GRM8: variants seen among roughly 807,000 people sequenced by gnomAD.
The protein encoded by GRM8 is metabotropic glutamate receptor 8.
A neutral mutation model predicts 87.2 loss-of-function variants in GRM8; 47 were observed. The observed-to-expected ratio is 0.54, with a 90% CI of 0.43 to 0.69. The LOEUF (loss-of-function observed/expected upper bound fraction) is 0.69, where lower values mean the gene tolerates loss of function less well. GRM8 is among the 30% of genes least tolerant of loss of function. The pLI is 0.00. For synonymous variants in GRM8, 396 were observed against 404.5 expected, an observed-to-expected ratio of 0.98 and a Z score of 0.25; for missense variants, 1,019 against 1,139.2, an observed-to-expected ratio of 0.89 and a Z score of 1.52.
chr7:127,100,062 C>A lies in GRM8; in HGVS notation c.727+6434G>T, dbSNP rs753286486. ...AGGGATTGTCAGCAAACACCAGAAG[C>A]TAATAGAGGCAAGGAGGGATTCTCT... is the stretch of plus-strand genomic sequence containing the variant. On this transcript the variant is annotated intron_variant, in intron 3 of 10. Transcript: ENST00000339582. Among the ~76,000 whole-genome samples, 87 of 152,116 alleles carry A rather than the reference C, an allele frequency of 5.7e-4. 3 individuals are homozygous for A. The highest frequency in any genetic ancestry group is 4.9e-4 in the Non-Finnish European group (33 of 68,012).
chr7:126,656,959 C>T (rs181134720), intron 7 of GRM8, among the ~76,000 whole-genome samples: 60 of 152,262 alleles, frequency 3.9e-4, no homozygotes, highest in African/African-American at 1.3e-3. Context: ...AGCAAGGAAC[C>T]CAAATGAAAA....
chr7:126,841,046 T>C (rs879704088), intron 6 of GRM8, among the ~76,000 whole-genome samples: 5 of 152,238 alleles, frequency 3.3e-5, no homozygotes, highest in Admixed American at 1.3e-4. Flanking sequence ...AGCTTTAAAA[T>C]TGACATAGAA....
chr7:127,248,185 T>C (rs1798677421), intron 1 of GRM8, among the ~76,000 whole-genome samples: 1 of 152,194 alleles, frequency 6.6e-6, no homozygotes, highest in Admixed American at 6.5e-5. Context: ...ATGTATCAGA[T>C]AAGAAGAGAG....
At chr7:127,000,940 G>C (rs1379388637) in intron 3 of GRM8, among the ~76,000 whole-genome samples, 1 of 151,534 alleles carries the variant, frequency 6.6e-6, no homozygotes, top group African/African-American at 2.4e-5. Context: ...AATTGATTGT[G>C]AAATACATAT....
intron 3 of GRM8, among the ~76,000 whole-genome samples, chr7:126,934,234 TA>T (rs1806055208): frequency 6.6e-6 from 1 of 152,168 alleles, no homozygotes; most frequent in Admixed American, 6.5e-5. Context: ...AAAAATGGTT[TA>T]TTCCTCTAAC....
chr7:126,908,388 G>A (rs560069453), intron 3 of GRM8, among the ~76,000 whole-genome samples: 60 of 152,268 alleles, frequency 3.9e-4, no homozygotes, highest in African/African-American at 1.4e-3. Flanking sequence ...ACCAACCTCC[G>A]TGAGTGGAAA....
At chr7:126,996,481 T>C (rs1378898215) in intron 3 of GRM8, among the ~76,000 whole-genome samples, 2 of 151,812 alleles carry the variant, frequency 1.3e-5, no homozygotes, top group Non-Finnish European at 2.9e-5. Context: ...TGAACTAAAC[T>C]CTGTAATCAA....
At chr7:126,764,201 C>T (rs1477968099) in intron 7 of GRM8, among the ~76,000 whole-genome samples, 1 of 151,768 alleles carries the variant, frequency 6.6e-6, no homozygotes, top group Non-Finnish European at 1.5e-5. Flanking sequence ...CTGGTTAAAA[C>T]TGATAGAATA....
chr7:126,913,215 A>T (rs1461849095), intron 3 of GRM8, among the ~76,000 whole-genome samples: 1 of 152,214 alleles, frequency 6.6e-6, no homozygotes, highest in Non-Finnish European at 1.5e-5. Flanking sequence ...GTGCATTTTT[A>T]AAAAACAACA....
At chr7:126,985,695 G>A (rs941675619) in intron 3 of GRM8, among the ~76,000 whole-genome samples, 6 of 152,162 alleles carry the variant, frequency 3.9e-5, no homozygotes, top group Middle Eastern at 3.2e-3. Context: ...AACTGAGCAT[G>A]CTTACTCAGG....
chr7:126,549,058 T>C (rs544371841), intron 8 of GRM8, among the ~76,000 whole-genome samples: 1 of 152,208 alleles, frequency 6.6e-6, no homozygotes, highest in East Asian at 1.9e-4. Context: ...AGAGTTTGTA[T>C]AAAATCAAAT....
chr7:126,658,950 C>T (rs550319273), intron 7 of GRM8, among the ~76,000 whole-genome samples: 5 of 151,840 alleles, frequency 3.3e-5, no homozygotes, highest in Non-Finnish European at 5.9e-5. Flanking sequence ...GACAAGCGGC[C>T]GCTACAGTCA....
intron 6 of GRM8, among the ~76,000 whole-genome samples, chr7:126,821,843 G>T (rs1463914273): frequency 2.0e-5 from 3 of 151,968 alleles, no homozygotes; most frequent in Non-Finnish European, 1.5e-5. Context: ...TTTTCATAAT[G>T]TAATTTTCTA....
At chr7:126,596,316 A>G (rs889678971) in intron 8 of GRM8, among the ~76,000 whole-genome samples, 3 of 152,022 alleles carry the variant, frequency 2.0e-5, no homozygotes, top group Admixed American at 6.6e-5. Context: ...CCTCACCAGC[A>G]CCTGCTTTTT....
intron 3 of GRM8, among the ~76,000 whole-genome samples, chr7:127,042,271 T>C (rs1818496041): frequency 1.3e-5 from 2 of 152,118 alleles, no homozygotes; most frequent in Admixed American, 6.5e-5. Flanking sequence ...AGTAACAGGA[T>C]TGCAACAGGT....
chr7:126,735,254 C>T (rs1241750976), intron 7 of GRM8, among the ~76,000 whole-genome samples: 1 of 151,870 alleles, frequency 6.6e-6, no homozygotes, highest in Admixed American at 6.6e-5. Context: ...CAAAAGGAAA[C>T]AGAGGAATAT....
intron 3 of GRM8, among the ~76,000 whole-genome samples, chr7:126,905,724 G>A (rs2131245946): frequency 6.6e-6 from 1 of 152,216 alleles, no homozygotes; most frequent in South Asian, 2.1e-4. Flanking sequence ...TGGGAAATAG[G>A]CATTTGAATA....
chr7:127,029,928 T>TC (rs1817193363), intron 3 of GRM8, among the ~76,000 whole-genome samples: 1 of 152,072 alleles, frequency 6.6e-6, no homozygotes, highest in Admixed American at 6.6e-5. Flanking sequence ...TCCCCCAACC[T>TC]CACCATACAA....
intron 2 of GRM8, among the ~76,000 whole-genome samples, chr7:127,140,551 A>G (rs955465386): frequency 6.6e-6 from 1 of 152,108 alleles, no homozygotes; most frequent in Non-Finnish European, 1.5e-5. Flanking sequence ...TGCCCTTCTC[A>G]TTCTGGTGCT....
Sources: gnomAD v4.1 joint callset for allele counts (sites outside exome capture counted in the v4.1 genomes callset) on GRCh38, gnomAD v4.1.1 for gene constraint, MANE v1.5 for transcripts, NCBI Gene and HGNC (gene_info 2026-07-23, HGNC 2026-07-21) for gene names.